Variants in ATXN2L observed in about 807,000 individuals in gnomAD.
ATXN2L encodes the protein ataxin-2-like protein.
Under a neutral mutation model 120.7 loss-of-function variants are expected in ATXN2L, and 24 were observed. The observed-to-expected ratio is 0.20, with a 90% CI of 0.14 to 0.28. ATXN2L has a LOEUF of 0.28. ATXN2L is among the 10% of genes least tolerant of loss of function. The pLI, the probability that ATXN2L is intolerant of heterozygous loss-of-function variation, is 1.00. For synonymous variants in ATXN2L, 653 were observed against 568.1 expected (o/e 1.15, Z -2.13); for missense variants, 1,312 against 1,432.3 (o/e 0.92, Z 1.36).
Position 28,836,258 on chromosome 16 carries a change from G to T in ATXN2L, c.3221G>T (p.Gly1074Val), listed in dbSNP as rs1351004669. 1 of 1,611,658 alleles carries T rather than the reference G, an allele frequency of 6.2e-7. No homozygotes were observed. The highest frequency in any genetic ancestry group is 8.5e-7 in the Non-Finnish European group (1 of 1,178,562). Residue 1074 changes from glycine (G) to valine (V), a missense_variant, in exon 22 of 22, where the codon GGG becomes GTG. By Grantham distance (109) the Gly-to-Val change is moderately radical (BLOSUM62 -3). Coordinates refer to ENST00000336783, the MANE Select transcript of ATXN2L (RefSeq NM_007245.4). The stretch of plus-strand genomic sequence containing the variant: ...GGGCAGGATGCACGGGTTCTGGGTG[G>T]GGAGTGAGGGGTCTTGGAGGCAGGG... ...QVGQDARVLG[G>V]E
At chr16:28,829,623 C>A (rs763141718) in intron 7 of ATXN2L, 131 bp downstream of exon 7, 2 of 789,666 alleles carry the variant, frequency 2.5e-6, no homozygotes, top group Admixed American at 2.4e-5. Flanking sequence ...CCTACTCCTA[C>A]TCTGCCTTGT....
chr16:28,831,110 A>G lies in ATXN2L; in HGVS notation c.1321+38A>G, dbSNP rs775010366. ...TAGTGTTGGATGAAGAAATGGATGG[A>G]AATTTGTAAAGAGATGTAAATATGT... On this transcript the variant is annotated intron_variant, in intron 10 of 21. Transcript: ENST00000336783. 8.8e-6 allele frequency: 12 copies of G among 1,370,426 alleles called. No individual in the cohort carries two copies. The African/African-American group carries it at 1.0e-4, about 12-fold the overall frequency. 84.9% of individuals were successfully genotyped at this position (1,370,426 alleles called of 1,614,324 possible).
rs370101289 is a variant in ATXN2L at position 28,826,398 on chromosome 16, C to T, written c.616+8C>T. ...TCAACTATGCTACTAAAGGTATTGTCCTAGGCTGTTACCTCAGACCTGCTC... is the reference window on the plus strand; with the variant it reads ...TCAACTATGCTACTAAAGGTATTGTTCTAGGCTGTTACCTCAGACCTGCTC... On this transcript the variant is annotated splice_region_variant and intron_variant, in intron 5 of 21. Coordinates refer to ENST00000336783, the MANE Select transcript of ATXN2L (RefSeq NM_007245.4). 487 of 1,613,792 alleles carry T rather than the reference C, an allele frequency of 3.0e-4. No homozygotes were observed. The highest frequency in any genetic ancestry group is 3.8e-4 in the Non-Finnish European group (445 of 1,179,858).
At position 28,823,379 on chromosome 16, in the gene ATXN2L, G is replaced by C; in HGVS notation, c.120G>C (p.Gly40=). Residue 40 remains glycine, a synonymous_variant, in exon 1 of 22, where the codon GGG becomes GGC. Coordinates refer to ENST00000336783, the MANE Select transcript of ATXN2L (RefSeq NM_007245.4). ...GTSPPNGGLP[G]PLATSAAPPG... is the part of the protein sequence containing the mutation. ...GCCCTCCCAACGGCGGCCTCCCGGGGCCGCTGGCCACCTCTGCGGCTCCTC... is the reference window on the plus strand; with the variant it reads ...GCCCTCCCAACGGCGGCCTCCCGGGCCCGCTGGCCACCTCTGCGGCTCCTC... The C allele has an allele frequency of 7.5e-7, 1 of 1,341,210 alleles. No individual in the cohort carries two copies. Among genetic ancestry groups the C allele is most frequent in the Non-Finnish European group, 9.5e-7 (1 of 1,049,622 alleles). 83.1% of individuals were successfully genotyped at this position (1,341,210 alleles called of 1,614,324 possible). A position where few individuals can be genotyped will look rare whatever the true frequency, so the allele number is the denominator to read the frequency against.
At position 28,836,135 on chromosome 16, in the gene ATXN2L, G is replaced by C. The variant is rs776492688; in HGVS notation, c.3098G>C (p.Gly1033Ala). Residue 1033 changes from glycine (G) to alanine (A), a missense_variant, in exon 22 of 22, where the codon GGC becomes GCC. Transcript: ENST00000336783. ...YIGHPQGEQP[G>A]QAPGFPGGAD... ...GGACACCCCCAAGGTGAGCAGCCTG[G>C]CCAGGCGCCTGGATTTCCAGGAGGA... 4.3e-6 allele frequency: 7 copies of C among 1,614,022 alleles called. No individual in the cohort carries two copies. In the Admixed American group the frequency reaches 1.2e-4, roughly 27 times the overall value.
rs755128544 is a variant in ATXN2L, at chr16:28,834,735, G to GC, written c.2433+43dup. On this transcript the variant is annotated intron_variant, in intron 18 of 21. Transcript: ENST00000336783. The stretch of plus-strand genomic sequence containing the variant: ...AGGGCAGTGAGGATCCAGGGCCCCT[G>GC]CTAGGGATCCCATCTTCTCCAGAGA... 12 of 1,563,230 alleles carry GC rather than the reference G, an allele frequency of 7.7e-6. No homozygotes were observed. In the African/African-American group the frequency reaches 1.5e-4, roughly 19 times the overall value.
intron 1 of ATXN2L, chr16:28,824,598 A>AT: frequency 8.1e-7 from 1 of 1,231,966 alleles, no homozygotes; most frequent in Non-Finnish European, 1.1e-6. Context: ...TGGAGGGGAT[A>AT]CCCCTCCTCC....
At chr16:28,828,519 G>A (rs1438782615) in intron 6 of ATXN2L, among the ~76,000 whole-genome samples, 4 of 151,772 alleles carry the variant, frequency 2.6e-5, no homozygotes, top group Non-Finnish European at 5.9e-5. Flanking sequence ...CCAAGGAGAC[G>A]GAGGTTGCGG....
chr16:28,826,550 A>T, intron 5 of ATXN2L, 160 bp downstream of exon 5: 2 of 776,756 alleles, frequency 2.6e-6, no homozygotes, highest in Non-Finnish European at 4.0e-6. Context: ...AAGTGGGTGG[A>T]TTTTTCTTCT....
chr16:28,832,752 C>T (rs1463934798), intron 12 of ATXN2L, 65 bp from the exon 13 acceptor site: 9 of 1,541,962 alleles, frequency 5.8e-6, no homozygotes, highest in Non-Finnish European at 8.1e-6. Flanking sequence ...GTTCTTTTGG[C>T]ACTGTGTAGC....
chr16:28,829,512 C>G lies in ATXN2L; in HGVS notation c.833+20C>G, dbSNP rs751433344. 2 of 1,516,270 alleles carry G rather than the reference C, an allele frequency of 1.3e-6. No homozygotes were observed. The highest frequency in any genetic ancestry group is 2.3e-5 in the East Asian group (1 of 44,388). The allele number at this position is 1,516,270 out of a possible 1,614,324, so 93.9% of individuals were successfully genotyped here. ...TTATACGTGAGTATCTTGGTGCTCT[C>G]CAGGTGATGTGTTGGTGATATGGGG... On this transcript the variant is annotated intron_variant, in intron 7 of 21. Transcript: ENST00000336783.
intron 15 of ATXN2L, chr16:28,833,720 G>C: frequency 3.5e-6 from 2 of 567,880 alleles, no homozygotes; most frequent in Non-Finnish European, 3.1e-6. Context: ...CAGGGGATCA[G>C]GGATCCCAGT....
At chr16:28,829,525 T>C in intron 7 of ATXN2L, 33 bp downstream of exon 7, 1 of 1,443,276 alleles carries the variant, frequency 6.9e-7, no homozygotes, top group Non-Finnish European at 9.8e-7. Flanking sequence ...GGTGATGTGT[T>C]GGTGATATGG....
Position 28,832,365 on chromosome 16 carries a change from A to T in ATXN2L, c.1482A>T (p.Pro494=), listed in dbSNP as rs747464513. 1 of 1,614,068 alleles carries T rather than the reference A, an allele frequency of 6.2e-7. No individual in the cohort carries two copies. The highest frequency in any genetic ancestry group is 1.1e-5 in the South Asian group (1 of 91,078). ...VSDPGVGSIS[P]ASPKISLAPT... ...ATCCTGGAGTGGGCTCCATTTCTCC[A>T]GCTTCTCCAAAGATCTCCCTGGCCC... Residue 494 remains proline, a synonymous_variant, in exon 11 of 22, where the codon CCA becomes CCT. Transcript: ENST00000336783.
intron 3 of ATXN2L, 36 bp from the exon 4 acceptor site, chr16:28,825,734 C>G: frequency 1.2e-6 from 2 of 1,613,284 alleles, no homozygotes; most frequent in Non-Finnish European, 8.5e-7. Context: ...CATCTACTTT[C>G]TGGAGACACT....
intron 6 of ATXN2L, among the ~76,000 whole-genome samples, chr16:28,827,690 G>A (rs1041446905): frequency 1.3e-5 from 2 of 152,204 alleles, no homozygotes; most frequent in Admixed American, 6.5e-5. Context: ...GCTGTAAGCT[G>A]AGATTGTGCC....
intron 1 of ATXN2L, chr16:28,824,169 G>C (rs1006251286): frequency 9.8e-7 from 1 of 1,024,588 alleles, no homozygotes; most frequent in Non-Finnish European, 1.2e-6. Flanking sequence ...GTGGATGCTC[G>C]GTCTCATGAC....
At position 28,834,227 on chromosome 16, in the gene ATXN2L, G is replaced by A; in HGVS notation, c.2172+16G>A. 2 of 1,612,222 alleles carry A rather than the reference G, an allele frequency of 1.2e-6. No individual in the cohort carries two copies. Among genetic ancestry groups the A allele is most frequent in the Middle Eastern group, 1.7e-4 (1 of 6,056 alleles). ...AGCTGTGCAGGTATGCAGAGAGACT[G>A]GCCGGGCCCAGGGTTAGCGGGGTGG... is the stretch of plus-strand genomic sequence containing the variant. On this transcript the variant is annotated intron_variant, in intron 16 of 21. Coordinates refer to ENST00000336783, the MANE Select transcript of ATXN2L (RefSeq NM_007245.4).
chr16:28,834,234 C>A, intron 16 of ATXN2L, 23 bp downstream of exon 16: 5 of 1,611,268 alleles, frequency 3.1e-6, no homozygotes, highest in Non-Finnish European at 4.2e-6. Context: ...ACTGGCCGGG[C>A]CCAGGGTTAG....
Sources: gnomAD v4.1 joint callset for allele counts (sites outside exome capture counted in the v4.1 genomes callset) on GRCh38, gnomAD v4.1.1 for gene constraint, MANE v1.5 for transcripts, NCBI Gene and HGNC (gene_info 2026-07-23, HGNC 2026-07-21) for gene names.